ADM2: variants seen among roughly 807,000 people sequenced by gnomAD.
ADM2 encodes protein ADM2.
ADM2 carries 5 observed loss-of-function variants against 7.1 expected under a neutral mutation model. The ratio of observed to expected loss-of-function variants is 0.71; its 90% confidence interval spans 0.37 to 1.49. The LOEUF is 1.49. Among genes scored for constraint, ADM2 ranks in the 40% most tolerant of loss-of-function variants. The probability of loss-of-function intolerance (pLI) is 0.03; values close to 1 mark genes in which losing one functional copy is unlikely to be tolerated. For synonymous variants in ADM2, 123 were observed against 92.8 expected (o/e 1.33, Z -1.87); for missense variants, 236 against 211.2 (o/e 1.12, Z -0.73).
rs759054465 is a variant in ADM2, at chr22:50,482,975, C to T, written c.*72C>T. ...CCCCCGTCCAGAGCTGCAGCTGAGC[C>T]CCATCTGAAGCCCAGTCCCTCGGAG... On this transcript the variant is annotated 3_prime_UTR_variant, in exon 3 of 3. Coordinates refer to ENST00000395737, the MANE Select transcript of ADM2 (RefSeq NM_001253845.2). 3 of 1,536,698 alleles carry T rather than the reference C, an allele frequency of 2.0e-6. No homozygotes were observed. In the East Asian group the frequency reaches 7.3e-5, roughly 38 times the overall value.
At chr22:50,481,997 C>G (rs973147314) in intron 2 of ADM2, 40 bp downstream of exon 2, 5 of 1,508,162 alleles carry the variant, frequency 3.3e-6, no homozygotes, top group Non-Finnish European at 4.5e-6. Context: ...CTCTGGCCCC[C>G]GCAGGGAAGC....
chr22:50,481,919 C>G lies in ADM2; in HGVS notation c.72C>G (p.Ser24=). ...GCCTGCAGCTCCCTGGCTCGCTGTCCCGCAGCCTGGGCGGGGACCCGCGAC... is the reference window on the plus strand; with the variant it reads ...GCCTGCAGCTCCCTGGCTCGCTGTCGCGCAGCCTGGGCGGGGACCCGCGAC... ...LLCLQLPGSL[S]RSLGGDPRPV... Residue 24 remains serine (S), a synonymous_variant, in exon 2 of 3, where the codon TCC becomes TCG. Transcript: ENST00000395737. The G allele has an allele frequency of 6.5e-7, 1 of 1,537,524 alleles. No homozygotes were observed. Among genetic ancestry groups the G allele is most frequent in the Non-Finnish European group, 8.7e-7 (1 of 1,143,858 alleles).
Position 50,482,872 on chromosome 22 carries a change from T to G in ADM2, c.416T>G (p.Val139Gly). 4 of 1,603,952 alleles carry G rather than the reference T, an allele frequency of 2.5e-6. No homozygotes were observed. Among genetic ancestry groups the G allele is most frequent in the Non-Finnish European group, 3.4e-6 (4 of 1,178,590 alleles). The change falls in exon 3 of 3, where the codon GTG (valine) becomes GGG (glycine). Residue 139 changes from valine (V) to glycine (G), a missense_variant. By Grantham distance (109) the Val-to-Gly change is moderately radical (BLOSUM62 -3). Transcript: ENST00000395737. ...GPAGRQDSAP[V>G]DPSSPHSYG Reference sequence around the variant, plus strand: ...GCCGGCCGGCAGGACTCAGCTCCTGTGGACCCCAGCAGCCCCCACAGCTAT... The same window carrying G: ...GCCGGCCGGCAGGACTCAGCTCCTGGGGACCCCAGCAGCCCCCACAGCTAT...
chr22:50,482,691 G>T lies in ADM2; in HGVS notation c.235G>T (p.Gly79Cys). The T allele has an allele frequency of 6.2e-7, 1 of 1,603,950 alleles. No homozygotes were observed. Among genetic ancestry groups the T allele is most frequent in the Non-Finnish European group, 8.5e-7 (1 of 1,174,948 alleles). ...GGGTGCCGGCCTGGCCCCTGTTATG[G>T]GTCAGCCTCTCCGGGATGGTGGCCG... ...QRGAGLAPVM[G>C]QPLRDGGRQH... Residue 79 changes from glycine to cysteine, a missense_variant, in exon 3 of 3, where the codon GGT becomes TGT. Transcript: ENST00000395737.
Position 50,481,907 on chromosome 22 carries a change from T to TG in ADM2, c.62dup (p.Ser22LeufsTer155). On this transcript the variant is annotated frameshift_variant, in exon 2 of 3. Coordinates refer to ENST00000395737, the MANE Select transcript of ADM2 (RefSeq NM_001253845.2). LOFTEE classifies it low-confidence loss of function (END_TRUNC). ...TCAGCCTCCTCTGCCTGCAGCTCCC[T>TG]GGCTCGCTGTCCCGCAGCCTGGGCG... 1 of 1,534,872 alleles carries TG rather than the reference T, an allele frequency of 6.5e-7. No individual in the cohort carries two copies.
At position 50,483,978 on chromosome 22, in the gene ADM2, A is replaced by G. The variant is rs144018451; in HGVS notation, c.*1075A>G. On this transcript the variant is annotated 3_prime_UTR_variant, in exon 3 of 3. Coordinates refer to ENST00000395737, the MANE Select transcript of ADM2 (RefSeq NM_001253845.2). ...AAGGGCTCCTTCTGCTATTTAGCGA[A>G]CACTGAGCATTTAATTTACAAATGT... The G allele has an allele frequency of 6.6e-6, 1 of 152,576 alleles. No individual in the cohort carries two copies. The highest frequency in any genetic ancestry group is 1.5e-5 in the Non-Finnish European group (1 of 68,240). The allele number at this position is 152,576 out of a possible 1,614,324, so 9.5% of individuals were successfully genotyped here.
rs985784126 is a variant in ADM2 at position 50,481,676 on chromosome 22, T to C, written c.-99T>C. ...GCCGACCCCAGACCCGCTGCCCGCT[T>C]CGCGCCCGAGGCCTGCGCCCCGACG... On this transcript the variant is annotated 5_prime_UTR_variant, in exon 1 of 3. Coordinates refer to ENST00000395737, the MANE Select transcript of ADM2 (RefSeq NM_001253845.2). 1 of 336,462 alleles carries C rather than the reference T, an allele frequency of 3.0e-6. No homozygotes were observed. The highest frequency in any genetic ancestry group is 5.3e-6 in the Non-Finnish European group (1 of 190,380). The allele number at this position is 336,462 out of a possible 1,614,324, so 20.8% of individuals were successfully genotyped here.
At chr22:50,482,120 G>A (rs567398158) in intron 2 of ADM2, among the ~76,000 whole-genome samples, 163 bp downstream of exon 2, 1 of 152,292 alleles carries the variant, frequency 6.6e-6, no homozygotes, top group South Asian at 2.1e-4. Context: ...AGCAGGGCCA[G>A]AGGCCCCTCT....
rs573670699 is a variant in ADM2, at chr22:50,481,642, G to A, written c.-133G>A. 132 of 225,558 alleles carry A rather than the reference G, an allele frequency of 5.9e-4. 1 individual carries two copies. Among genetic ancestry groups the A allele is most frequent in the African/African-American group, 2.7e-3 (118 of 43,150 alleles). 14.0% of individuals were successfully genotyped at this position (225,558 alleles called of 1,614,324 possible). Reference sequence around the variant, plus strand: ...CCCAGCCCGCTCCGCCTTGCGCCCCGGACCCGCGGCCGACCCCAGACCCGC... The same window carrying A: ...CCCAGCCCGCTCCGCCTTGCGCCCCAGACCCGCGGCCGACCCCAGACCCGC... On this transcript the variant is annotated 5_prime_UTR_variant, in exon 1 of 3. Transcript: ENST00000395737.
Position 50,481,744 on chromosome 22 carries a change from AC to A in ADM2, c.-29del, listed in dbSNP as rs1274573024. On this transcript the variant is annotated 5_prime_UTR_variant, in exon 1 of 3. Coordinates refer to ENST00000395737, the MANE Select transcript of ADM2 (RefSeq NM_001253845.2). ...TGCCACGCCCACGCCCGGCGCCCCG[AC>A]CGCGGAGGACTCCCCGAGGTGCCGG... is the stretch of plus-strand genomic sequence containing the variant. 1 of 685,512 alleles carries A rather than the reference AC, an allele frequency of 1.5e-6. No individual in the cohort carries two copies. Among genetic ancestry groups the A allele is most frequent in the Non-Finnish European group, 2.1e-6 (1 of 468,360 alleles). The allele number at this position is 685,512 out of a possible 1,614,324, so 42.5% of individuals were successfully genotyped here.
chr22:50,484,271 T>G lies in ADM2; in HGVS notation c.*1368T>G, dbSNP rs2068236705. 6.6e-6 allele frequency: 1 copy of G among 152,454 alleles called. No homozygotes were observed. The allele number at this position is 152,454 out of a possible 1,614,324, so 9.4% of individuals were successfully genotyped here. A position where few individuals can be genotyped will look rare whatever the true frequency, so the allele number is the denominator to read the frequency against. On this transcript the variant is annotated 3_prime_UTR_variant, in exon 3 of 3. Transcript: ENST00000395737. ...TGGTCCTGCCCTGTGGAGGCCTCCG[T>G]GCACTGAGAGATGTACTAGGATTGC...
chr22:50,481,843 C>A lies in ADM2; in HGVS notation c.-5C>A. On this transcript the variant is annotated 5_prime_UTR_variant, in exon 2 of 3. Coordinates refer to ENST00000395737, the MANE Select transcript of ADM2 (RefSeq NM_001253845.2). ...ACCGCCCCCTCCCCTGCAGCCCCGCCCGCCATGGCCCGGATCCCGACGGCC... is the reference window on the plus strand; with the variant it reads ...ACCGCCCCCTCCCCTGCAGCCCCGCACGCCATGGCCCGGATCCCGACGGCC... 6.7e-7 allele frequency: 1 copy of A among 1,495,402 alleles called. No individual in the cohort carries two copies. The highest frequency in any genetic ancestry group is 2.9e-5 in the East Asian group (1 of 34,634). The allele number at this position is 1,495,402 out of a possible 1,614,324, so 92.6% of individuals were successfully genotyped here.
At position 50,483,079 on chromosome 22, in the gene ADM2, T is replaced by C. The variant is rs1389022653; in HGVS notation, c.*176T>C. 1 of 1,125,578 alleles carries C rather than the reference T, an allele frequency of 8.9e-7. No individual in the cohort carries two copies. 69.7% of individuals were successfully genotyped at this position (1,125,578 alleles called of 1,614,324 possible). ...ACCTAGGCTGGTCTACACGCAGTGCTGGTACGTCAAGGAGCCTAAACACCC... is the reference window on the plus strand; with the variant it reads ...ACCTAGGCTGGTCTACACGCAGTGCCGGTACGTCAAGGAGCCTAAACACCC... On this transcript the variant is annotated 3_prime_UTR_variant, in exon 3 of 3. Coordinates refer to ENST00000395737, the MANE Select transcript of ADM2 (RefSeq NM_001253845.2).
Position 50,482,804 on chromosome 22 carries a change from GGT to G in ADM2, c.350_351del (p.Val117AlafsTer59). 1 of 1,608,448 alleles carries G rather than the reference GGT, an allele frequency of 6.2e-7. No individual in the cohort carries two copies. Among genetic ancestry groups the G allele is most frequent in the Non-Finnish European group, 8.5e-7 (1 of 1,179,362 alleles). On this transcript the variant is annotated frameshift_variant, in exon 3 of 3. Transcript: ENST00000395737. LOFTEE classifies it high-confidence loss of function. Reference protein sequence around the residue: ...RVGCVLGTCQVQNLSHRLWQL... With the variant: ...RVGCVLGTCQXQNLSHRLWQL... Reference sequence around the variant, plus strand: ...TGGGCTGTGTGCTGGGCACCTGCCAGGTGCAGAATCTCAGCCACCGCCTGTGG... The same window carrying G: ...TGGGCTGTGTGCTGGGCACCTGCCAGGCAGAATCTCAGCCACCGCCTGTGG...
Position 50,481,569 on chromosome 22 carries a change from G to GGTGCCATCCC in ADM2, c.-204_-195dup, listed in dbSNP as rs1160153592. 1 of 215,850 alleles carries GGTGCCATCCC rather than the reference G, an allele frequency of 4.6e-6. No homozygotes were observed. The highest frequency in any genetic ancestry group is 9.1e-6 in the Non-Finnish European group (1 of 110,442). The allele number at this position is 215,850 out of a possible 1,614,324, so 13.4% of individuals were successfully genotyped here. On this transcript the variant is annotated 5_prime_UTR_variant, in exon 1 of 3. Transcript: ENST00000395737. ...GAAAGGCTACGTATTCAGCCCTGGAGGTGCCATCCCGGGCCGCGACTCCGC... is the reference window on the plus strand; with the variant it reads ...GAAAGGCTACGTATTCAGCCCTGGAGGTGCCATCCCGTGCCATCCCGGGCCGCGACTCCGC...
In ADM2 at chr22:50,481,976, C is replaced by T. The variant is rs1410864720; in HGVS notation, c.110+19C>T. The T allele has an allele frequency of 2.0e-6, 3 of 1,526,712 alleles. No individual in the cohort carries two copies. Among genetic ancestry groups the T allele is most frequent in the Non-Finnish European group, 1.8e-6 (2 of 1,136,550 alleles). The allele number at this position is 1,526,712 out of a possible 1,614,324, so 94.6% of individuals were successfully genotyped here. A position where few individuals can be genotyped will look rare whatever the true frequency, so the allele number is the denominator to read the frequency against. ...AACCCAGGTGAGTCCAGGTCTTGGG[C>T]CAGCCAACCCCTCTGGCCCCCGCAG... On this transcript the variant is annotated intron_variant, in intron 2 of 2. Coordinates refer to ENST00000395737, the MANE Select transcript of ADM2 (RefSeq NM_001253845.2).
chr22:50,482,419 C>G, intron 2 of ADM2, 148 bp from the exon 3 acceptor site: 2 of 1,321,438 alleles, frequency 1.5e-6, no homozygotes. Context: ...ACGCGGGCTT[C>G]CCCTGGCCGT....
intron 2 of ADM2, 112 bp downstream of exon 2, chr22:50,482,069 C>T: frequency 9.8e-7 from 1 of 1,025,498 alleles, no homozygotes; most frequent in Non-Finnish European, 1.4e-6. Flanking sequence ...TAGGACTCCC[C>T]TCCCAAACAA....
rs543370069 is a variant in ADM2, at chr22:50,483,684, C to G, written c.*781C>G. ...CACCTCACCTGAAGGGGGTGAGACC[C>G]TTGTTGGCAGCCAGACAAGGGTGGG... On this transcript the variant is annotated 3_prime_UTR_variant, in exon 3 of 3. Transcript: ENST00000395737. 4.2e-4 allele frequency: 75 copies of G among 179,548 alleles called. No homozygotes were observed. The highest frequency in any genetic ancestry group is 1.7e-3 in the African/African-American group (72 of 42,070). 11.1% of individuals were successfully genotyped at this position (179,548 alleles called of 1,614,324 possible).
Sources: gnomAD v4.1 joint callset for allele counts (sites outside exome capture counted in the v4.1 genomes callset) on GRCh38, gnomAD v4.1.1 for gene constraint, MANE v1.5 for transcripts, NCBI Gene and HGNC (gene_info 2026-07-23, HGNC 2026-07-21) for gene names.